SYTL2: variants seen among roughly 807,000 people sequenced by gnomAD.
SYTL2 encodes synaptotagmin-like protein 2.
Under a neutral mutation model 198.7 loss-of-function variants are expected in SYTL2, and 165 were observed. That is an observed-to-expected ratio of 0.83 (90% confidence interval 0.73 to 0.94). The LOEUF (loss-of-function observed/expected upper bound fraction) is 0.94. SYTL2 is among the 40% of genes least tolerant of loss of function. SYTL2 has a pLI of 0.00. For missense variants in SYTL2, 2,835 were observed against 2,582.8 expected (o/e 1.10, Z -2.12); for synonymous variants, 966 against 917.7 (o/e 1.05, Z -0.95).
At chr11:85,696,150 C>T (rs182755020) in intron 19 of SYTL2, 33 bp downstream of exon 19, 2 of 1,600,612 alleles carry the variant, frequency 1.2e-6, no homozygotes, top group Non-Finnish European at 8.6e-7. Flanking sequence ...AAAAATTTGG[C>T]TCATGGAGAA....
At chr11:85,719,454 G>A (rs760159290) in intron 9 of SYTL2, 17 of 384,856 alleles carry the variant, frequency 4.4e-5, no homozygotes, top group Non-Finnish European at 5.4e-5. Context: ...CATGGAAATA[G>A]CCCCATGTTT....
the SYTL2 span, among the ~76,000 whole-genome samples, chr11:85,834,931 TA>T: frequency 1.3e-5 from 2 of 152,046 alleles, no homozygotes; most frequent in African/African-American, 4.8e-5. Context: ...GGCTACTTTT[TA>T]AAATTTTTGT....
chr11:85,840,061 G>A, the SYTL2 span, among the ~76,000 whole-genome samples: 1 of 151,936 alleles, frequency 6.6e-6, no homozygotes, highest in Non-Finnish European at 1.5e-5. Flanking sequence ...CTTTTTATAT[G>A]CCTGTTTGCC....
At chr11:85,790,916 C>A (rs1296310783) in intron 1 of SYTL2, among the ~76,000 whole-genome samples, 1 of 152,072 alleles carries the variant, frequency 6.6e-6, no homozygotes, top group Non-Finnish European at 1.5e-5. Context: ...GTAATCCCAA[C>A]ATTTTGGGAG....
upstream of SYTL2, among the ~76,000 whole-genome samples, chr11:85,811,915 AC>A (rs1022638301): frequency 2.0e-5 from 3 of 152,220 alleles, no homozygotes; most frequent in African/African-American, 7.2e-5. Context: ...AGCCCGGCCA[AC>A]ATAGCAAAAC....
intron 1 of SYTL2, among the ~76,000 whole-genome samples, chr11:85,790,332 A>AT (rs1488155358): frequency 6.6e-6 from 1 of 152,160 alleles, no homozygotes; most frequent in Non-Finnish European, 1.5e-5. Context: ...ACCTAATATA[A>AT]TATCAAGAGA....
chr11:85,803,230 G>A (rs950582144), intron 1 of SYTL2, among the ~76,000 whole-genome samples: 11 of 152,206 alleles, frequency 7.2e-5, no homozygotes, highest in African/African-American at 2.7e-4. Flanking sequence ...TATCTAAGTG[G>A]TCCTGCTAGG....
At chr11:85,716,520 T>C (rs1289454834) in intron 11 of SYTL2, 1 of 152,214 alleles carries the variant, frequency 6.6e-6, no homozygotes, top group Non-Finnish European at 1.5e-5. Flanking sequence ...TTCTATCTAA[T>C]GGCTCCTCCG....
intron 1 of SYTL2, among the ~76,000 whole-genome samples, chr11:85,781,012 G>C (rs144565619): frequency 2.5e-3 from 377 of 152,284 alleles, no homozygotes; most frequent in African/African-American, 8.2e-3. Context: ...TGCACATCTG[G>C]GGTACAGAAG....
chr11:85,696,169 G>A lies in SYTL2; in HGVS notation c.6574+14C>T, dbSNP rs770640360. 1.2e-5 allele frequency: 20 copies of A among 1,612,392 alleles called. No homozygotes were observed. The African/African-American group carries it at 2.7e-4, about 22-fold the overall frequency. The stretch of plus-strand genomic sequence containing the variant: ...ATTTGGCTCATGGAGAATTAAAAAT[G>A]TAGCAAACAGTACCTGTTCCAAAGC... On this transcript the variant is annotated intron_variant, in intron 19 of 19. Coordinates refer to ENST00000359152, the MANE Select transcript of SYTL2 (RefSeq NM_206927.4).
chr11:85,813,546 G>T (rs1289279790), upstream of SYTL2, among the ~76,000 whole-genome samples: 1 of 152,148 alleles, frequency 6.6e-6, no homozygotes, highest in African/African-American at 2.4e-5. Context: ...ACATTGAAGG[G>T]GAAGGCAAGA....
the SYTL2 span, among the ~76,000 whole-genome samples, chr11:85,830,422 C>G: frequency 6.6e-6 from 1 of 152,176 alleles, no homozygotes; most frequent in Non-Finnish European, 1.5e-5. Flanking sequence ...TTCATTGACA[C>G]CTTGCATTGA....
At chr11:85,770,040 C>G (rs947765216) in intron 1 of SYTL2, among the ~76,000 whole-genome samples, 1 of 152,154 alleles carries the variant, frequency 6.6e-6, no homozygotes, top group Admixed American at 6.5e-5. Flanking sequence ...GAATAGATCT[C>G]CAGGTTGGCC....
chr11:85,851,544 A>G, the SYTL2 span, among the ~76,000 whole-genome samples: 2 of 152,230 alleles, frequency 1.3e-5, no homozygotes, highest in Non-Finnish European at 2.9e-5. Flanking sequence ...CTATTTCTAC[A>G]TCATTCAACA....
chr11:85,841,247 T>C, the SYTL2 span, among the ~76,000 whole-genome samples: 2 of 152,236 alleles, frequency 1.3e-5, no homozygotes, highest in Non-Finnish European at 2.9e-5. Context: ...TCAACCATTG[T>C]AGAAGACAGT....
At chr11:85,696,781 G>T (rs1424208125) in intron 18 of SYTL2, among the ~76,000 whole-genome samples, 1 of 152,174 alleles carries the variant, frequency 6.6e-6, no homozygotes, top group East Asian at 1.9e-4. Context: ...TGCTTAATAT[G>T]CTAGTAATCA....
chr11:85,737,620 A>G lies in SYTL2; in HGVS notation c.426T>C (p.Asp142=), dbSNP rs774191873. 1 of 1,613,872 alleles carries G rather than the reference A, an allele frequency of 6.2e-7. No individual in the cohort carries two copies. Among genetic ancestry groups the G allele is most frequent in the African/African-American group, 1.3e-5 (1 of 74,920 alleles). Residue 142 remains aspartate (D), a synonymous_variant, in exon 5 of 20, where the codon GAT becomes GAC. Coordinates refer to ENST00000359152, the MANE Select transcript of SYTL2 (RefSeq NM_206927.4). The stretch of plus-strand genomic sequence containing the variant: ...GTTTCCTTGTGTTTTCCTGGGACAT[A>G]TCAATCACACTGGAAGCTGGATTTA... ...SVVNPASSVI[D]MSQENTRKPN...
chr11:85,853,074 C>A, the SYTL2 span: 36 of 288,818 alleles, frequency 1.2e-4, no homozygotes, highest in South Asian at 9.1e-4. Context: ...GCCTCCCCGT[C>A]CGGGAGGTCG....
At chr11:85,814,880 C>T (rs188481734), upstream of SYTL2, among the ~76,000 whole-genome samples, 425 of 152,274 alleles carry the variant, frequency 2.8e-3, no homozygotes, top group Admixed American at 4.6e-3. Flanking sequence ...ATTCACCCTC[C>T]TAGACTGAAA....
Sources: allele counts gnomAD v4.1 joint callset (sites outside exome capture counted in the v4.1 genomes callset), GRCh38; gene constraint gnomAD v4.1.1; transcripts MANE v1.5; gene names NCBI Gene and HGNC (gene_info 2026-07-23, HGNC 2026-07-21).